The following CIMIP6 variants were observed in gnomAD, a reference collection of about 807,000 sequenced individuals.
CIMIP6 encodes uncharacterized protein C2orf73.
At chr2:54,368,179 CTTTTGT>C in the CIMIP6 span, among the ~76,000 whole-genome samples, 1 of 152,108 alleles carries the variant, frequency 6.6e-6, no homozygotes, top group African/African-American at 2.4e-5. Flanking sequence ...TTTGCTTTTG[CTTTTGT>C]TTCTTTACAG....
the CIMIP6 span, chr2:54,359,037 A>G: frequency 6.4e-7 from 1 of 1,551,248 alleles, no homozygotes; most frequent in South Asian, 1.2e-5. Context: ...CATCAATATG[A>G]TGCCAGAAAA....
At chr2:54,351,342 C>T in the CIMIP6 span, among the ~76,000 whole-genome samples, 1 of 152,188 alleles carries the variant, frequency 6.6e-6, no homozygotes, top group African/African-American at 2.4e-5. Context: ...CATTGCAGCA[C>T]TATTCACAAT....
At chr2:54,353,291 T>A in the CIMIP6 span, among the ~76,000 whole-genome samples, 1 of 152,116 alleles carries the variant, frequency 6.6e-6, no homozygotes, top group Non-Finnish European at 1.5e-5. Context: ...TTGTTTCGGA[T>A]GAATACTTGG....
the CIMIP6 span, among the ~76,000 whole-genome samples, chr2:54,338,974 A>ACC: frequency 3.1e-5 from 2 of 63,642 alleles, no homozygotes; most frequent in East Asian, 5.4e-4. Context: ...ACATGGTGAG[A>ACC]CCCCCCCCCA....
At chr2:54,360,992 G>A in the CIMIP6 span, 2 of 153,644 alleles carry the variant, frequency 1.3e-5, no homozygotes, top group African/African-American at 4.8e-5. Flanking sequence ...TGTAAAATTA[G>A]GAAAATAGCA....
the CIMIP6 span, among the ~76,000 whole-genome samples, chr2:54,368,509 G>T: frequency 2.6e-5 from 4 of 152,216 alleles, no homozygotes; most frequent in African/African-American, 9.6e-5. Context: ...GAGAGGTCTG[G>T]CCTTTGCTCT....
At chr2:54,331,013 G>C in the CIMIP6 span, 1 of 1,613,712 alleles carries the variant, frequency 6.2e-7, no homozygotes, top group Non-Finnish European at 8.5e-7. Context: ...TAAGTGCTGG[G>C]GTTTGGTGTC....
chr2:54,379,976 TAA>T, the CIMIP6 span, among the ~76,000 whole-genome samples: 76 of 136,696 alleles, frequency 5.6e-4, no homozygotes, highest in African/African-American at 1.5e-3. Context: ...AAAGTCCTTC[TAA>T]AAAAAAAAAA....
At chr2:54,359,554 T>A in the CIMIP6 span, among the ~76,000 whole-genome samples, 14 of 152,014 alleles carry the variant, frequency 9.2e-5, no homozygotes, top group Non-Finnish European at 1.3e-4. Flanking sequence ...TCACTTGAGT[T>A]TGAGGCCAGC....
the CIMIP6 span, among the ~76,000 whole-genome samples, chr2:54,377,839 T>G: frequency 6.6e-6 from 1 of 152,202 alleles, no homozygotes; most frequent in South Asian, 2.1e-4. Flanking sequence ...TCATTAACCT[T>G]TAAGCCTTCA....
the CIMIP6 span, chr2:54,360,124 C>T: frequency 7.6e-6 from 11 of 1,449,894 alleles, no homozygotes; most frequent in South Asian, 6.1e-5. Context: ...CTTGAGCTAA[C>T]GCACAAATTC....
At chr2:54,351,628 G>A in the CIMIP6 span, among the ~76,000 whole-genome samples, 3 of 152,258 alleles carry the variant, frequency 2.0e-5, no homozygotes, top group South Asian at 6.2e-4. Context: ...ATGGTGGAGG[G>A]TGGGAGGAGG....
At chr2:54,381,753 ACATTTCAGAACTC>A in the CIMIP6 span, 1 of 1,414,926 alleles carries the variant, frequency 7.1e-7, no homozygotes. Context: ...CATCATGGGC[ACATTTCAGAACTC>A]CATCTGATTT....
the CIMIP6 span, among the ~76,000 whole-genome samples, chr2:54,345,088 G>A: frequency 1.3e-5 from 2 of 152,054 alleles, no homozygotes; most frequent in Non-Finnish European, 2.9e-5. Flanking sequence ...AATGTAGGGA[G>A]GCAAAATTAT....
At chr2:54,335,124 G>T in the CIMIP6 span, 198 of 879,420 alleles carry the variant, frequency 2.3e-4, no homozygotes, top group East Asian at 5.1e-3. Context: ...ACACATCTCA[G>T]AGTAGTACTT....
At chr2:54,382,728 T>G in the CIMIP6 span, among the ~76,000 whole-genome samples, 1 of 152,226 alleles carries the variant, frequency 6.6e-6, no homozygotes, top group Non-Finnish European at 1.5e-5. Context: ...TAAACCACAT[T>G]TCACATTCAC....
the CIMIP6 span, among the ~76,000 whole-genome samples, chr2:54,336,013 C>T: frequency 6.6e-6 from 1 of 152,152 alleles, no homozygotes; most frequent in African/African-American, 2.4e-5. Context: ...TCTCACAATC[C>T]TTAATCACAT....
At chr2:54,355,464 C>T in the CIMIP6 span, among the ~76,000 whole-genome samples, 374 of 152,226 alleles carry the variant, frequency 2.5e-3, 2 homozygotes, top group Non-Finnish European at 3.8e-3. Flanking sequence ...CCTGCCCCTG[C>T]TACCTGTTTG....
chr2:54,335,545 T>G, the CIMIP6 span, among the ~76,000 whole-genome samples: 1 of 152,224 alleles, frequency 6.6e-6, no homozygotes, highest in South Asian at 2.1e-4. Context: ...TAAGCAAATG[T>G]CACAGTCATA....
Sources: allele counts gnomAD v4.1 joint callset (sites outside exome capture counted in the v4.1 genomes callset), GRCh38; gene constraint gnomAD v4.1.1; transcripts MANE v1.5; gene names NCBI Gene and HGNC (gene_info 2026-07-23, HGNC 2026-07-21).